The following GLIS1 variants were observed in gnomAD, a reference collection of about 807,000 sequenced individuals.
GLIS1 encodes zinc finger protein GLIS1.
A neutral mutation model predicts 63.8 loss-of-function variants in GLIS1; 24 were observed. The ratio of observed to expected loss-of-function variants is 0.38; its 90% CI spans 0.27 to 0.53. The LOEUF (loss-of-function observed/expected upper bound fraction) is 0.53. GLIS1 is among the 20% of genes least tolerant of loss of function. The pLI is 0.85. For synonymous variants in GLIS1, 450 were observed against 482.5 expected (o/e 0.93, Z 0.88); for missense variants, 1,036 against 1,074.1 (o/e 0.96, Z 0.50).
intron 2 of GLIS1, among the ~76,000 whole-genome samples, chr1:53,619,942 C>T (rs562010768): frequency 6.6e-6 from 1 of 152,326 alleles, no homozygotes; most frequent in Admixed American, 6.5e-5. Flanking sequence ...CATTGCAGAG[C>T]GCCTAGCTGC....
intron 8 of GLIS1, among the ~76,000 whole-genome samples, chr1:53,510,415 C>A (rs1490274237): frequency 6.6e-6 from 1 of 152,232 alleles, no homozygotes; most frequent in Non-Finnish European, 1.5e-5. Context: ...TGTTCATTAC[C>A]TGCTGGGTGC....
chr1:53,588,462 C>T (rs2100514651), intron 4 of GLIS1, among the ~76,000 whole-genome samples: 1 of 152,338 alleles, frequency 6.6e-6, no homozygotes, highest in South Asian at 2.1e-4. Context: ...CTGATGCATA[C>T]TTGTTGTGCA....
intron 2 of GLIS1, among the ~76,000 whole-genome samples, chr1:53,678,215 A>C (rs1646235382): frequency 6.6e-6 from 1 of 151,916 alleles, no homozygotes; most frequent in Non-Finnish European, 1.5e-5. Context: ...CTTGCTGTAG[A>C]GCCACGCTGA....
chr1:53,553,081 A>G (rs1005527845), intron 4 of GLIS1, among the ~76,000 whole-genome samples: 5 of 152,134 alleles, frequency 3.3e-5, no homozygotes, highest in Non-Finnish European at 1.5e-5. Context: ...CTTTCTAAAG[A>G]TACCCCTGTC....
intron 2 of GLIS1, among the ~76,000 whole-genome samples, chr1:53,606,956 C>T (rs1645376693): frequency 6.6e-6 from 1 of 152,164 alleles, no homozygotes; most frequent in Admixed American, 6.5e-5. Context: ...CAGCCCATAG[C>T]TCCAGCCCGG....
intron 2 of GLIS1, among the ~76,000 whole-genome samples, chr1:53,607,142 T>C (rs983460485): frequency 6.6e-6 from 1 of 151,870 alleles, no homozygotes; most frequent in Admixed American, 6.6e-5. Flanking sequence ...AATTAGAAAA[T>C]AGATATCACC....
chr1:53,580,554 T>C (rs1380136639), intron 4 of GLIS1, among the ~76,000 whole-genome samples: 1 of 152,110 alleles, frequency 6.6e-6, no homozygotes, highest in African/African-American at 2.4e-5. Flanking sequence ...GTGAGCTCAA[T>C]TTAAAAGAGG....
chr1:53,625,832 T>G (rs181383064), intron 2 of GLIS1, among the ~76,000 whole-genome samples: 3 of 152,218 alleles, frequency 2.0e-5, no homozygotes, highest in Non-Finnish European at 1.5e-5. Flanking sequence ...TGCCCAAGTA[T>G]AGGCTGAGGA....
Position 53,678,196 on chromosome 1 carries a change from C to A in GLIS1, c.259+59610G>T, listed in dbSNP as rs1203904163. Reference sequence around the variant, plus strand: ...TCCCCAACAGATGTCCCCTGAGGTGCCTGCCACCCTTGCTGTAGAGCCACG... The same window carrying A: ...TCCCCAACAGATGTCCCCTGAGGTGACTGCCACCCTTGCTGTAGAGCCACG... On this transcript the variant is annotated intron_variant, in intron 2 of 10. Coordinates refer to ENST00000628545, the MANE Select transcript of GLIS1 (RefSeq NM_001367484.1). Among the ~76,000 whole-genome samples, 5 of 152,114 alleles carry A rather than the reference C, an allele frequency of 3.3e-5. No homozygotes were observed. The South Asian group carries it at 6.2e-4, about 19-fold the overall frequency.
At chr1:53,572,028 G>A (rs908173599) in intron 4 of GLIS1, among the ~76,000 whole-genome samples, 1 of 152,142 alleles carries the variant, frequency 6.6e-6, no homozygotes, top group Non-Finnish European at 1.5e-5. Flanking sequence ...AGAAAGCAGC[G>A]AACACTAAAC....
chr1:53,637,935 G>A (rs945225739), intron 2 of GLIS1, among the ~76,000 whole-genome samples: 1 of 152,240 alleles, frequency 6.6e-6, no homozygotes, highest in African/African-American at 2.4e-5. Context: ...TGGTGTTTCT[G>A]GGGCCTGGCT....
intron 2 of GLIS1, among the ~76,000 whole-genome samples, chr1:53,633,945 C>G (rs1403019538): frequency 6.6e-6 from 1 of 152,154 alleles, no homozygotes; most frequent in African/African-American, 2.4e-5. Flanking sequence ...ATCATGGCGG[C>G]TTCAGCCAAG....
At chr1:53,685,127 TGA>T (rs1646320493) in intron 2 of GLIS1, among the ~76,000 whole-genome samples, 1 of 152,032 alleles carries the variant, frequency 6.6e-6, no homozygotes, top group East Asian at 1.9e-4. Context: ...AAAAAGGCCA[TGA>T]GCAAGCAGGT....
intron 6 of GLIS1, among the ~76,000 whole-genome samples, chr1:53,522,298 A>G (rs1189978498): frequency 6.6e-6 from 1 of 152,280 alleles, no homozygotes; most frequent in Non-Finnish European, 1.5e-5. Flanking sequence ...ATGGCTCTTA[A>G]TGGATGCTTA....
In GLIS1 at chr1:53,506,673, A is replaced by G. The variant is rs750463633; in HGVS notation, c.2334T>C (p.Asn778=). ...GGCCCAGGCAGTGGTCAAAGGCTCC[A>G]TTGGGGAAGAAGCCACAGTCCTCGG... ...SGPEDCGFFP[N]GAFDHCLGHI... is the part of the protein sequence containing the mutation. The change falls in exon 11 of 11, where the codon AAT becomes AAC. Residue 778 remains asparagine, a synonymous_variant. Transcript: ENST00000628545. 2 of 1,613,442 alleles carry G rather than the reference A, an allele frequency of 1.2e-6. No homozygotes were observed. Among genetic ancestry groups the G allele is most frequent in the Admixed American group, 1.7e-5 (1 of 60,008 alleles).
At chr1:53,593,282 C>T (rs373419786) in intron 4 of GLIS1, among the ~76,000 whole-genome samples, 2 of 152,220 alleles carry the variant, frequency 1.3e-5, no homozygotes, top group African/African-American at 2.4e-5. Context: ...GGCTGTGCCT[C>T]GGAGGTAGCA....
At chr1:53,641,255 T>C (rs1645784222) in intron 2 of GLIS1, among the ~76,000 whole-genome samples, 1 of 152,180 alleles carries the variant, frequency 6.6e-6, no homozygotes, top group African/African-American at 2.4e-5. Flanking sequence ...CCTTACTCTT[T>C]CTGAGGCTGT....
intron 2 of GLIS1, among the ~76,000 whole-genome samples, chr1:53,665,479 G>A (rs1200637371): frequency 6.6e-6 from 1 of 151,242 alleles, no homozygotes; most frequent in Non-Finnish European, 1.5e-5. Context: ...CAGTGTAGAT[G>A]AGATCAAGAC....
intron 4 of GLIS1, among the ~76,000 whole-genome samples, chr1:53,536,577 T>G (rs1016584892): frequency 1.3e-5 from 2 of 152,090 alleles, no homozygotes; most frequent in Non-Finnish European, 2.9e-5. Context: ...GTGATGTCAC[T>G]GGCTCCAGGT....
Sources: gnomAD v4.1 joint callset for allele counts (sites outside exome capture counted in the v4.1 genomes callset) on GRCh38, gnomAD v4.1.1 for gene constraint, MANE v1.5 for transcripts, NCBI Gene and HGNC (gene_info 2026-07-23, HGNC 2026-07-21) for gene names.